The following ZNF366 variants were observed in gnomAD, a reference collection of about 807,000 sequenced individuals.
The protein encoded by ZNF366 is dendritic cell-specific transcript protein.
A neutral mutation model predicts 47.2 loss-of-function variants in ZNF366; 20 were observed. The observed-to-expected ratio is 0.42, with a 90% CI of 0.30 to 0.62. ZNF366 has a LOEUF of 0.62. Among genes scored for constraint, ZNF366 ranks in the 20% least tolerant of loss-of-function variants. The pLI is 0.16. For missense variants in ZNF366, 987 were observed against 976.3 expected (o/e 1.01, Z -0.15); for synonymous variants, 421 against 395.1 (o/e 1.07, Z -0.78).
rs111833347 is a variant in ZNF366, at chr5:72,493,478, T to G, written c.-15+13773A>C. The G allele has an allele frequency of 1.4e-4, 21 of 152,328 alleles. 1 individual carries two copies. The highest frequency in any genetic ancestry group is 4.6e-4 in the African/African-American group (19 of 41,576). The allele number at this position is 152,328 out of a possible 1,614,324, so 9.4% of individuals were successfully genotyped here. A position where few individuals can be genotyped will look rare whatever the true frequency, so the allele number is the denominator to read the frequency against. ...GAAATTTAACAATGATGATCAATAC[T>G]TCCAAGCATTTTCTAGACTTTGATC... On this transcript the variant is annotated intron_variant, in intron 1 of 4. Coordinates refer to ENST00000318442, the MANE Select transcript of ZNF366 (RefSeq NM_152625.3).
At position 72,444,028 on chromosome 5, in the gene ZNF366, C is replaced by A. The variant is rs112462947; in HGVS notation, c.1963G>T (p.Ala655Ser). 6.2e-7 allele frequency: 1 copy of A among 1,614,066 alleles called. No individual in the cohort carries two copies. Among genetic ancestry groups the A allele is most frequent in the African/African-American group, 1.3e-5 (1 of 74,926 alleles). ...PEDLSTKSEH[A>S]PEVLEEACKE... ...CAGGCTTCCTCCAGCACCTCGGGGG[C>A]GTGCTCCGACTTGGTGGACAGATCC... The change falls in exon 5 of 5, where the codon GCC (alanine) becomes TCC (serine). Residue 655 changes from alanine (A) to serine (S), a missense_variant. Transcript: ENST00000318442.
intron 1 of ZNF366, among the ~76,000 whole-genome samples, chr5:72,495,127 A>T (rs1561205101): frequency 6.6e-6 from 1 of 152,110 alleles, no homozygotes; most frequent in Non-Finnish European, 1.5e-5. Flanking sequence ...TGCATGAAAA[A>T]ATAAGCCATT....
rs1742907902 is a variant in ZNF366 at position 72,443,995 on chromosome 5, C to T, written c.1996G>A (p.Glu666Lys). The T allele has an allele frequency of 6.2e-7, 1 of 1,614,224 alleles. No homozygotes were observed. The highest frequency in any genetic ancestry group is 8.5e-7 in the Non-Finnish European group (1 of 1,180,034). Reference sequence around the variant, plus strand: ...TCTCCCTTGGATGCATCCTCCTTCTCCTCCTTGCAGGCTTCCTCCAGCACC... The same window carrying T: ...TCTCCCTTGGATGCATCCTCCTTCTTCTCCTTGCAGGCTTCCTCCAGCACC... ...PEVLEEACKE[E>K]KEDASKGEWE... The change falls in exon 5 of 5, where the codon GAG becomes AAG. Residue 666 changes from glutamate to lysine, a missense_variant. By Grantham distance (56) the Glu-to-Lys change is moderately conservative. Around this residue, in one of 3 missense-constraint regions of ZNF366, gnomAD observed 285 missense variants for 234.8 expected, o/e 1.21. Transcript: ENST00000318442.
intron 1 of ZNF366, among the ~76,000 whole-genome samples, chr5:72,496,194 A>G (rs1277865828): frequency 3.9e-5 from 6 of 152,164 alleles, no homozygotes; most frequent in African/African-American, 1.4e-4. Context: ...GAAAATTTAT[A>G]CAGTTGTGCA....
intron 2 of ZNF366, 88 bp from the exon 3 acceptor site, chr5:72,456,683 A>T: frequency 1.5e-6 from 2 of 1,331,226 alleles, no homozygotes; most frequent in Non-Finnish European, 2.0e-6. Flanking sequence ...TCTCTGCCAC[A>T]TAAATCCACA....
chr5:72,456,283 C>T (rs1013279792), intron 3 of ZNF366, 121 bp downstream of exon 3: 11 of 1,095,564 alleles, frequency 1.0e-5, no homozygotes, highest in Non-Finnish European at 1.4e-5. Flanking sequence ...TGGGGTTGGC[C>T]ACGGACCTAC....
chr5:72,472,591 A>G, intron 1 of ZNF366: 1 of 983,124 alleles, frequency 1.0e-6, no homozygotes. Context: ...CCAAAAATGA[A>G]CTGCAGTTAA....
At chr5:72,494,107 C>T (rs953068779) in intron 1 of ZNF366, 2 of 151,976 alleles carry the variant, frequency 1.3e-5, no homozygotes, top group East Asian at 1.9e-4. Flanking sequence ...GAGTTAATTA[C>T]TGTAACATAA....
At chr5:72,487,923 G>A (rs1197638404) in intron 1 of ZNF366, among the ~76,000 whole-genome samples, 1 of 152,048 alleles carries the variant, frequency 6.6e-6, no homozygotes, top group Non-Finnish European at 1.5e-5. Context: ...ACATAACAGG[G>A]TACTGGGTGC....
At chr5:72,457,000 C>A (rs1177725237) in intron 2 of ZNF366, among the ~76,000 whole-genome samples, 1 of 152,130 alleles carries the variant, frequency 6.6e-6, no homozygotes, top group Non-Finnish European at 1.5e-5. Context: ...ATGATATTAT[C>A]ATTTCCCTTA....
At chr5:72,452,497 G>A (rs1400693855) in intron 3 of ZNF366, among the ~76,000 whole-genome samples, 1 of 152,174 alleles carries the variant, frequency 6.6e-6, no homozygotes, top group Non-Finnish European at 1.5e-5. Flanking sequence ...ATGCCAGCCT[G>A]AAAACTCTGA....
Position 72,460,762 on chromosome 5 carries a change from G to C in ZNF366, c.735C>G (p.Asp245Glu), listed in dbSNP as rs201795699. ...NVQIDDSYYVDVGGSQKRWQC... is the reference protein window; with the variant it reads ...NVQIDDSYYVEVGGSQKRWQC... The stretch of plus-strand genomic sequence containing the variant: ...GCCAGCGCTTCTGCGAGCCGCCCAC[G>C]TCCACGTAGTAGCTGTCATCGATCT... The change falls in exon 2 of 5, where the codon GAC (aspartate) becomes GAG (glutamate). Residue 245 changes from aspartate (D) to glutamate (E), a missense_variant. Asp to Glu is a conservative substitution (Grantham distance 45, BLOSUM62 2). Transcript: ENST00000318442. 2 of 1,614,198 alleles carry C rather than the reference G, an allele frequency of 1.2e-6. No individual in the cohort carries two copies. The highest frequency in any genetic ancestry group is 3.3e-5 in the Admixed American group (2 of 60,034).
intron 1 of ZNF366, among the ~76,000 whole-genome samples, chr5:72,478,126 G>A (rs11958456): frequency 0.017 from 2,634 of 152,188 alleles, 68 homozygotes; most frequent in African/African-American, 0.06. Flanking sequence ...ACCTTCAGGG[G>A]AAAGCCTCCA....
chr5:72,484,804 G>A (rs1172888176), intron 1 of ZNF366, among the ~76,000 whole-genome samples: 1 of 152,212 alleles, frequency 6.6e-6, no homozygotes, highest in Non-Finnish European at 1.5e-5. Context: ...ATTGTAGACT[G>A]AGGCACAGGA....
Position 72,461,425 on chromosome 5 carries a change from G to A in ZNF366, c.72C>T (p.Ser24=). The A allele has an allele frequency of 1.9e-6, 3 of 1,609,432 alleles. No homozygotes were observed. The highest frequency in any genetic ancestry group is 2.6e-6 in the Non-Finnish European group (3 of 1,176,320). The change falls in exon 2 of 5, where the codon TCC becomes TCT. Residue 24 remains serine, a synonymous_variant. Coordinates refer to ENST00000318442, the MANE Select transcript of ZNF366 (RefSeq NM_152625.3). ...HFDLAVKKTP[S]FPHCLQPVAS... ...CCACTGGCTGCAGGCAGTGGGGAAAGGAGGGGGTCTTCTTCACAGCCAAGT... is the reference window on the plus strand; with the variant it reads ...CCACTGGCTGCAGGCAGTGGGGAAAAGAGGGGGTCTTCTTCACAGCCAAGT...
At position 72,484,461 on chromosome 5, in the gene ZNF366, G is replaced by A. The variant is rs1286074075; in HGVS notation, c.-15+22790C>T. 2.7e-5 allele frequency among the ~76,000 whole-genome samples: 4 copies of A among 146,178 alleles called. No individual in the cohort carries two copies. The East Asian group carries it at 5.9e-4, about 22-fold the overall frequency. ...ATCCCGCCACTGCACTCCAGCCTGG[G>A]CGACAGAGCGAGACTCCGTCTCAAA... On this transcript the variant is annotated intron_variant, in intron 1 of 4. Coordinates refer to ENST00000318442, the MANE Select transcript of ZNF366 (RefSeq NM_152625.3).
chr5:72,454,986 C>G (rs1234839026), intron 3 of ZNF366, among the ~76,000 whole-genome samples: 1 of 152,224 alleles, frequency 6.6e-6, no homozygotes, highest in African/African-American at 2.4e-5. Context: ...TCATCTTTAA[C>G]TCCTGGTAAT....
At chr5:72,449,449 C>T (rs1196189463) in intron 3 of ZNF366, among the ~76,000 whole-genome samples, 5 of 152,148 alleles carry the variant, frequency 3.3e-5, no homozygotes, top group Non-Finnish European at 7.4e-5. Context: ...GTTGGCCAGG[C>T]CGGTCCCAAA....
At chr5:72,480,694 A>G (rs1436552540) in intron 1 of ZNF366, among the ~76,000 whole-genome samples, 1 of 152,264 alleles carries the variant, frequency 6.6e-6, no homozygotes, top group Non-Finnish European at 1.5e-5. Flanking sequence ...TAATGGAGTG[A>G]ATAAATAAAA....
Sources: allele counts gnomAD v4.1 joint callset (sites outside exome capture counted in the v4.1 genomes callset), GRCh38; gene constraint gnomAD v4.1.1; regional missense constraint gnomAD v4.1.1; transcripts MANE v1.5; gene names NCBI Gene and HGNC (gene_info 2026-07-23, HGNC 2026-07-21).